The following MED30 variants were observed in gnomAD, a reference collection of about 807,000 sequenced individuals.
The protein encoded by MED30 is mediator of RNA polymerase II transcription subunit 30.
MED30 carries 8 observed loss-of-function variants against 21.7 expected under a neutral mutation model. The observed-to-expected ratio is 0.37, with a 90% confidence interval of 0.22 to 0.67. The LOEUF is 0.67. Ranked by LOEUF, MED30 falls within the 30% of genes least tolerant of loss-of-function variation. MED30 has a pLI of 0.58. For missense variants in MED30, 203 were observed against 228.2 expected (o/e 0.89, Z 0.71); for synonymous variants, 79 against 86.7 (o/e 0.91, Z 0.49).
intron 1 of MED30, among the ~76,000 whole-genome samples, chr8:117,522,496 T>A (rs535437420): frequency 2.0e-5 from 3 of 152,310 alleles, no homozygotes; most frequent in African/African-American, 7.2e-5. Context: ...TTATTTTTGT[T>A]TTACAGATGA....
chr8:117,523,987 C>A, intron 1 of MED30: 1 of 230,264 alleles, frequency 4.3e-6, no homozygotes, highest in Non-Finnish European at 8.7e-6. Context: ...CCAGGCTGGG[C>A]GACAGAGCGA....
chr8:117,530,695 C>T (rs1236018390), intron 2 of MED30, 28 bp from the exon 3 acceptor site: 2 of 1,531,302 alleles, frequency 1.3e-6, no homozygotes, highest in Non-Finnish European at 1.8e-6. Context: ...TATATTTTTG[C>T]CTTTTAATTT....
At chr8:117,524,959 AAATACTGT>A (rs1328122333) in intron 1 of MED30, among the ~76,000 whole-genome samples, 1 of 152,196 alleles carries the variant, frequency 6.6e-6, no homozygotes, top group African/African-American at 2.4e-5. Context: ...CACTGCATGG[AAATACTGT>A]AATTTATTAA....
chr8:117,535,296 G>C (rs1818856956), intron 3 of MED30, among the ~76,000 whole-genome samples: 1 of 146,740 alleles, frequency 6.8e-6, no homozygotes, highest in Admixed American at 6.9e-5. Context: ...CCAGGCTGGA[G>C]TGCAGTGGCA....
rs375194010 is a variant in MED30 at position 117,520,996 on chromosome 8, A to G, written c.120A>G (p.Thr40=). 1.7e-5 allele frequency: 27 copies of G among 1,611,596 alleles called. No homozygotes were observed. The highest frequency in any genetic ancestry group is 2.1e-5 in the Non-Finnish European group (25 of 1,178,722). ...TASLCRIGQE[T]VQDIVYRTME... ...CGCTGTGCCGCATCGGGCAGGAGAC[A>G]GTGCAGGACATCGTGTACCGCACCA... The change falls in exon 1 of 4, where the codon ACA becomes ACG. Residue 40 remains threonine (T), a synonymous_variant. Transcript: ENST00000297347.
chr8:117,521,096 G>A (rs779578818), intron 1 of MED30, 43 bp downstream of exon 1: 32 of 1,532,078 alleles, frequency 2.1e-5, no homozygotes, highest in African/African-American at 2.8e-5. Flanking sequence ...GCAGCTGGGA[G>A]GGAAAGGGCC....
At chr8:117,535,082 T>A (rs1278184654) in intron 3 of MED30, among the ~76,000 whole-genome samples, 1 of 151,982 alleles carries the variant, frequency 6.6e-6, no homozygotes, top group Non-Finnish European at 1.5e-5. Flanking sequence ...AGCCTCTCTC[T>A]CCTGGACCCA....
intron 1 of MED30, among the ~76,000 whole-genome samples, chr8:117,526,211 T>G (rs935834319): frequency 1.3e-5 from 2 of 152,092 alleles, no homozygotes; most frequent in Non-Finnish European, 2.9e-5. Context: ...TGAATTCTTT[T>G]ATTTTTAGTA....
chr8:117,532,130 A>G (rs73707605), intron 3 of MED30, among the ~76,000 whole-genome samples: 2,488 of 152,100 alleles, frequency 0.016, 59 homozygotes, highest in African/African-American at 0.053. Context: ...AAGAACATAT[A>G]AAGTTCTTGG....
chr8:117,533,641 T>G (rs1442224741), intron 3 of MED30, among the ~76,000 whole-genome samples: 1 of 152,096 alleles, frequency 6.6e-6, no homozygotes, highest in African/African-American at 2.4e-5. Context: ...TTTCTAAAAT[T>G]TTAGTTAGTT....
In MED30 at chr8:117,533,081, ATAGT is replaced by A. The variant is rs1286589849; in HGVS notation, c.441+2256_441+2259del. 2.6e-5 allele frequency among the ~76,000 whole-genome samples: 4 copies of A among 152,100 alleles called. 1 individual carries two copies. Among genetic ancestry groups the A allele is most frequent in the Non-Finnish European group, 4.4e-5 (3 of 67,980 alleles). Reference sequence around the variant, plus strand: ...TACCACATGTGTAACTAATGTAAACATAGTTTGTTCTGTACCATAGAGGATTTTA... The same window carrying A: ...TACCACATGTGTAACTAATGTAAACATTGTTCTGTACCATAGAGGATTTTA... On this transcript the variant is annotated intron_variant, in intron 3 of 3. Coordinates refer to ENST00000297347, the MANE Select transcript of MED30 (RefSeq NM_080651.4).
At chr8:117,538,032 T>G (rs915069460) in intron 3 of MED30, among the ~76,000 whole-genome samples, 7 of 152,206 alleles carry the variant, frequency 4.6e-5, no homozygotes, top group African/African-American at 1.7e-4. Flanking sequence ...GGCAGAAGTG[T>G]TGGTTTCTTG....
At chr8:117,536,457 T>A (rs1021343561) in intron 3 of MED30, among the ~76,000 whole-genome samples, 1 of 152,360 alleles carries the variant, frequency 6.6e-6, no homozygotes, top group South Asian at 2.1e-4. Context: ...TAGATTTATA[T>A]ACCCCTCAGC....
chr8:117,520,892 T>C lies in MED30; in HGVS notation c.16T>C (p.Leu6=), dbSNP rs779489908. The C allele has an allele frequency of 2.1e-5, 33 of 1,602,576 alleles. No homozygotes were observed. The highest frequency in any genetic ancestry group is 5.1e-5 in the Admixed American group (3 of 58,680). Residue 6 remains leucine (L), a synonymous_variant, in exon 1 of 4, where the codon TTG becomes CTG. Transcript: ENST00000297347. ...CAGCCGCGCCATGTCCACCCCTCCG[T>C]TGGCCGCGTCGGGGATGGCGCCCGG... MSTPP[L]AASGMAPGPF... is the part of the protein sequence containing the mutation.
At chr8:117,528,065 A>C (rs1227821831) in intron 1 of MED30, among the ~76,000 whole-genome samples, 1 of 151,906 alleles carries the variant, frequency 6.6e-6, no homozygotes, top group African/African-American at 2.4e-5. Context: ...GTAATAATTT[A>C]TTAATGGTGT....
At chr8:117,538,162 A>G (rs1270380098) in intron 3 of MED30, among the ~76,000 whole-genome samples, 1 of 152,208 alleles carries the variant, frequency 6.6e-6, no homozygotes, top group African/African-American at 2.4e-5. Context: ...TACTTATGAT[A>G]ACAGAATATA....
At chr8:117,521,112 T>C (rs1346007481) in intron 1 of MED30, 59 bp downstream of exon 1, 6 of 1,491,230 alleles carry the variant, frequency 4.0e-6, no homozygotes, top group Non-Finnish European at 5.4e-6. Context: ...GGGCCTCTGG[T>C]TTCCTCTTTA....
chr8:117,537,956 C>T (rs1486925410), intron 3 of MED30, among the ~76,000 whole-genome samples: 1 of 152,092 alleles, frequency 6.6e-6, no homozygotes, highest in Non-Finnish European at 1.5e-5. Context: ...GAACTGGGAC[C>T]GAGATTGCCA....
In MED30 at chr8:117,521,429, T is replaced by A. The variant is rs180744052; in HGVS notation, c.177+376T>A. On this transcript the variant is annotated intron_variant, in intron 1 of 3. Coordinates refer to ENST00000297347, the MANE Select transcript of MED30 (RefSeq NM_080651.4). Reference sequence around the variant, plus strand: ...GGAGTTGAAGAATTTACATTTTTTTTAAAAAAACAGTCCTCCTTTTTTTGG... The same window carrying A: ...GGAGTTGAAGAATTTACATTTTTTTAAAAAAAACAGTCCTCCTTTTTTTGG... Among the ~76,000 whole-genome samples, 156 of 151,804 alleles carry A rather than the reference T, an allele frequency of 1.0e-3. 1 individual carries two copies. The highest frequency in any genetic ancestry group is 4.3e-3 in the East Asian group (22 of 5,150).
Sources: allele counts gnomAD v4.1 joint callset (sites outside exome capture counted in the v4.1 genomes callset), GRCh38; gene constraint gnomAD v4.1.1; transcripts MANE v1.5; gene names NCBI Gene and HGNC (gene_info 2026-07-23, HGNC 2026-07-21).